ASIC2: variants seen among roughly 807,000 people sequenced by gnomAD.
ASIC2 encodes acid-sensing ion channel 2.
A neutral mutation model predicts 57.3 loss-of-function variants in ASIC2; 25 were observed. The observed-to-expected ratio is 0.44, with a 90% confidence interval of 0.32 to 0.61. ASIC2 has a LOEUF of 0.61. ASIC2 is among the 20% of genes least tolerant of loss of function. The pLI is 0.06. For synonymous variants in ASIC2, 319 were observed against 307.5 expected, an observed-to-expected ratio of 1.04 and a Z score of -0.39; for missense variants, 641 against 738.1, an observed-to-expected ratio of 0.87 and a Z score of 1.52.
intron 8 of ASIC2, 112 bp from the exon 9 acceptor site, chr17:33,016,151 A>G: frequency 1.0e-6 from 1 of 983,440 alleles, no homozygotes; most frequent in Non-Finnish European, 1.6e-6. Context: ...CTGTGGCTGA[A>G]CATACCGTAG....
chr17:33,414,522 G>A (rs183712236), intron 1 of ASIC2, among the ~76,000 whole-genome samples: 5 of 152,258 alleles, frequency 3.3e-5, no homozygotes, highest in African/African-American at 7.2e-5. Context: ...GGCAGCCACC[G>A]ACTGGGCTTT....
chr17:33,122,786 C>T (rs1324578937), intron 1 of ASIC2, among the ~76,000 whole-genome samples: 1 of 152,206 alleles, frequency 6.6e-6, no homozygotes, highest in East Asian at 1.9e-4. Context: ...CTAACTGAAA[C>T]TTTGCACCCT....
intron 1 of ASIC2, among the ~76,000 whole-genome samples, chr17:33,979,490 T>G (rs1905530191): frequency 6.6e-6 from 1 of 152,020 alleles, no homozygotes; most frequent in Non-Finnish European, 1.5e-5. Context: ...AGAAAAGTCA[T>G]CACCCCCAGG....
chr17:33,331,517 T>A (rs1032478490), intron 1 of ASIC2, among the ~76,000 whole-genome samples: 1 of 152,234 alleles, frequency 6.6e-6, no homozygotes, highest in Non-Finnish European at 1.5e-5. Flanking sequence ...CAGTTTCTTC[T>A]GAATAATTAG....
chr17:33,846,587 T>C (rs950473041), intron 1 of ASIC2, among the ~76,000 whole-genome samples: 18 of 152,188 alleles, frequency 1.2e-4, no homozygotes, highest in African/African-American at 4.1e-4. Context: ...TCAGTTAGCT[T>C]AACTGGCATT....
At chr17:34,096,546 A>C (rs1476073979) in intron 1 of ASIC2, among the ~76,000 whole-genome samples, 1 of 152,200 alleles carries the variant, frequency 6.6e-6, no homozygotes, top group Non-Finnish European at 1.5e-5. Context: ...CATTGATCAT[A>C]GTGCAGAGAA....
intron 1 of ASIC2, among the ~76,000 whole-genome samples, chr17:33,137,758 A>C (rs1368753305): frequency 6.6e-6 from 1 of 152,204 alleles, no homozygotes; most frequent in African/African-American, 2.4e-5. Flanking sequence ...AATAGAGTAC[A>C]TGGAGGTGAT....
chr17:33,917,101 C>T (rs1915600815), intron 1 of ASIC2, among the ~76,000 whole-genome samples: 1 of 152,148 alleles, frequency 6.6e-6, no homozygotes, highest in African/African-American at 2.4e-5. Context: ...TGCATCGCTC[C>T]TCCTGCCTTT....
At position 34,122,550 on chromosome 17, in the gene ASIC2, T is replaced by C. The variant is rs181530742; in HGVS notation, c.555+33428A>G. ...TCCTCATCCGTCACACCCAGCTACA[T>C]GTGTCTGTGTCAGGGGAGGAGAGGA... On this transcript the variant is annotated intron_variant, in intron 1 of 9. Coordinates refer to the ASIC2 transcript ENST00000359872. Among the ~76,000 whole-genome samples, 1,125 of 152,348 alleles carry C rather than the reference T, an allele frequency of 7.4e-3. 11 individuals carry two copies. The highest frequency in any genetic ancestry group is 0.011 in the Non-Finnish European group (727 of 68,030).
At chr17:33,254,439 T>C (rs1908988298) in intron 1 of ASIC2, among the ~76,000 whole-genome samples, 1 of 152,200 alleles carries the variant, frequency 6.6e-6, no homozygotes, top group Non-Finnish European at 1.5e-5. Context: ...GGCTGAAGCC[T>C]TTCCAATAAC....
At chr17:33,751,233 G>A (rs577904799) in intron 1 of ASIC2, among the ~76,000 whole-genome samples, 2 of 152,306 alleles carry the variant, frequency 1.3e-5, no homozygotes, top group East Asian at 1.9e-4. Context: ...GCAGGAGACG[G>A]CTCATAGCTT....
At chr17:33,184,424 G>A (rs1597620106) in intron 1 of ASIC2, among the ~76,000 whole-genome samples, 1 of 152,096 alleles carries the variant, frequency 6.6e-6, no homozygotes, top group Admixed American at 6.5e-5. Flanking sequence ...CTTAGGGAGG[G>A]AAGGACCCAG....
chr17:33,379,508 T>A (rs1909401722), intron 1 of ASIC2, among the ~76,000 whole-genome samples: 1 of 152,184 alleles, frequency 6.6e-6, no homozygotes, highest in South Asian at 2.1e-4. Context: ...GGGTGAGGAT[T>A]CCCGTGGATG....
chr17:33,993,239 C>A (rs1484207255), intron 1 of ASIC2, among the ~76,000 whole-genome samples: 1 of 152,168 alleles, frequency 6.6e-6, no homozygotes, highest in Non-Finnish European at 1.5e-5. Flanking sequence ...TGTAATTAAG[C>A]AGTAAGGTTA....
chr17:33,312,670 C>T (rs1181838334), intron 1 of ASIC2, among the ~76,000 whole-genome samples: 3 of 152,128 alleles, frequency 2.0e-5, no homozygotes, highest in South Asian at 4.2e-4. Flanking sequence ...TGCGGTGGCT[C>T]ATGCCTGTAA....
intron 1 of ASIC2, among the ~76,000 whole-genome samples, chr17:33,626,795 C>T (rs1304570761): frequency 6.6e-6 from 1 of 152,188 alleles, no homozygotes; most frequent in Non-Finnish European, 1.5e-5. Context: ...AAGTTCTCAT[C>T]ATTTGCAACA....
intron 1 of ASIC2, among the ~76,000 whole-genome samples, chr17:33,606,490 C>T (rs1316517334): frequency 6.6e-6 from 1 of 152,294 alleles, no homozygotes; most frequent in Non-Finnish European, 1.5e-5. Flanking sequence ...AAACTCCTTT[C>T]TTCCACTAGA....
intron 1 of ASIC2, among the ~76,000 whole-genome samples, chr17:33,746,633 A>T (rs1211095930): frequency 3.3e-5 from 5 of 152,046 alleles, no homozygotes; most frequent in Non-Finnish European, 7.4e-5. Flanking sequence ...TAATGGTTAG[A>T]GGCTTTAATA....
chr17:33,023,957 G>A lies in ASIC2; in HGVS notation c.1253C>T (p.Thr418Ile), dbSNP rs1172689761. ...CATGGAGAGCTCTTTGTTGTAGCGG[G>A]TTAGGTTGCAGGGTGTCCTGCAGAG... Reference protein sequence around the residue: ...YCLCRTPCNLTRYNKELSMVK... With the variant: ...YCLCRTPCNLIRYNKELSMVK... The change falls in exon 6 of 10, where the codon ACC becomes ATC. Residue 418 changes from threonine (T) to isoleucine (I), a missense_variant. Thr to Ile is a moderately conservative substitution (Grantham distance 89). This residue lies in a region of ASIC2 where 252 missense variants were observed against 319.8 expected (regional missense o/e 0.79). Coordinates refer to ENST00000225823, the MANE Select transcript of ASIC2 (RefSeq NM_183377.2). The A allele has an allele frequency of 6.2e-7, 1 of 1,614,214 alleles. No individual in the cohort carries two copies. Among genetic ancestry groups the A allele is most frequent in the Non-Finnish European group, 8.5e-7 (1 of 1,180,038 alleles).
Sources: allele counts gnomAD v4.1 joint callset (sites outside exome capture counted in the v4.1 genomes callset), GRCh38; gene constraint gnomAD v4.1.1; regional missense constraint gnomAD v4.1.1; transcripts MANE v1.5; gene names NCBI Gene and HGNC (gene_info 2026-07-23, HGNC 2026-07-21).